The following FGD5 variants were observed in gnomAD, a reference collection of about 807,000 sequenced individuals.
FGD5 encodes the protein FYVE, RhoGEF and PH domain-containing protein 5.
In FGD5, 28 loss-of-function variants were observed where a neutral mutation model predicts 133.4. The observed-to-expected ratio is 0.21, with a 90% CI of 0.16 to 0.29. The LOEUF (loss-of-function observed/expected upper bound fraction) is 0.29, where lower values mean the gene tolerates loss of function less well. Among genes scored for constraint, FGD5 ranks in the 10% least tolerant of loss-of-function variants. The probability of loss-of-function intolerance (pLI) is 1.00; values close to 1 mark genes in which losing one functional copy is unlikely to be tolerated. For synonymous variants in FGD5, 810 were observed against 776.5 expected, an observed-to-expected ratio of 1.04 and a Z score of -0.72; for missense variants, 1,858 against 1,895.2, an observed-to-expected ratio of 0.98 and a Z score of 0.36.
At chr3:14,864,363 A>C in intron 2 of FGD5, 103 bp downstream of exon 2, 1 of 1,563,644 alleles carries the variant, frequency 6.4e-7, no homozygotes. Context: ...AGCTGTTTGC[A>C]GATAGCTGGC....
intron 1 of FGD5, among the ~76,000 whole-genome samples, chr3:14,839,169 G>C (rs2036869864): frequency 6.6e-6 from 1 of 152,246 alleles, no homozygotes. Flanking sequence ...AAATGCACAG[G>C]CTTCTGGGGA....
intron 1 of FGD5, among the ~76,000 whole-genome samples, chr3:14,844,214 AAAAATAT>A (rs1263762658): frequency 2.8e-5 from 1 of 35,550 alleles, no homozygotes. Context: ...TAAAAAAAAA[AAAAATAT>A]ATATATATAT....
At chr3:14,852,663 G>A (rs1409674058) in intron 1 of FGD5, among the ~76,000 whole-genome samples, 3 of 152,184 alleles carry the variant, frequency 2.0e-5, no homozygotes, top group African/African-American at 7.2e-5. Flanking sequence ...GAGGAGGGGT[G>A]GGGATGTCTC....
intron 2 of FGD5, among the ~76,000 whole-genome samples, chr3:14,864,841 A>G (rs576998049): frequency 1.3e-5 from 2 of 152,214 alleles, no homozygotes; most frequent in East Asian, 3.9e-4. Context: ...TGATGGGGAT[A>G]ATATACACTC....
At chr3:14,914,898 C>G (rs111795801) in intron 11 of FGD5, among the ~76,000 whole-genome samples, 5 of 152,226 alleles carry the variant, frequency 3.3e-5, no homozygotes, top group African/African-American at 1.2e-4. Flanking sequence ...GGTGCAGAAT[C>G]GGTGTCAATG....
At chr3:14,877,116 T>C (rs897867695) in intron 2 of FGD5, among the ~76,000 whole-genome samples, 26 of 152,248 alleles carry the variant, frequency 1.7e-4, no homozygotes, top group African/African-American at 6.0e-4. Context: ...GGAGGAGCCC[T>C]GTTCCCAGAA....
intron 4 of FGD5, among the ~76,000 whole-genome samples, chr3:14,881,557 G>A (rs1420804250): frequency 6.6e-6 from 1 of 152,168 alleles, no homozygotes; most frequent in African/African-American, 2.4e-5. Flanking sequence ...CGTGAGAAGA[G>A]GGCACAGCAA....
At chr3:14,911,825 G>T (rs1393857575) in intron 11 of FGD5, among the ~76,000 whole-genome samples, 2 of 149,944 alleles carry the variant, frequency 1.3e-5, no homozygotes, top group African/African-American at 2.5e-5. Flanking sequence ...AGGGCCAGGG[G>T]TGAAGAGAAG....
intron 4 of FGD5, among the ~76,000 whole-genome samples, chr3:14,890,355 C>G (rs1433921582): frequency 1.3e-5 from 2 of 152,184 alleles, no homozygotes; most frequent in Non-Finnish European, 2.9e-5. Context: ...GAAGAATTAC[C>G]CAGGTTGCAA....
chr3:14,922,582 G>C lies in FGD5; in HGVS notation c.3807+34G>C, dbSNP rs768731335. On this transcript the variant is annotated intron_variant, in intron 15 of 19. Coordinates refer to ENST00000285046, the MANE Select transcript of FGD5 (RefSeq NM_152536.4). The surrounding 1 kb of genome is among the most constrained non-coding windows in gnomAD (Gnocchi z 4.1). ...CTGCATCTGGGGTGAGTGTGTGCAT[G>C]GGGGTGGGGTGGGGGAAGGGCATGT... 4 of 1,555,816 alleles carry C rather than the reference G, an allele frequency of 2.6e-6. No homozygotes were observed. The highest frequency in any genetic ancestry group is 2.6e-6 in the Non-Finnish European group (3 of 1,152,974).
chr3:14,880,492 A>G, intron 2 of FGD5, 80 bp from the exon 3 acceptor site: 1 of 1,397,268 alleles, frequency 7.2e-7, no homozygotes. Context: ...AATGCTTGGA[A>G]CTTGCCTCCA....
chr3:14,857,070 A>C (rs574678889), intron 1 of FGD5, among the ~76,000 whole-genome samples: 1 of 152,086 alleles, frequency 6.6e-6, no homozygotes, highest in Admixed American at 6.5e-5. Context: ...ATTTATTGAG[A>C]GTTTTTATCA....
chr3:14,902,050 GGC>G lies in FGD5; in HGVS notation c.3264+990_3264+991del, dbSNP rs1481368195. On this transcript the variant is annotated intron_variant, in intron 9 of 19. Coordinates refer to ENST00000285046, the MANE Select transcript of FGD5 (RefSeq NM_152536.4). Reference sequence around the variant, plus strand: ...TAATCCCAGCACTTTGGGAGGCCGAGGCAGGTGGATCACTTGAGGTCAGGAGT... The same window carrying G: ...TAATCCCAGCACTTTGGGAGGCCGAGAGGTGGATCACTTGAGGTCAGGAGT... Among the ~76,000 whole-genome samples the G allele has an allele frequency of 1.6e-4, 25 of 152,244 alleles. No individual in the cohort carries two copies. In the East Asian group the frequency reaches 4.6e-3, roughly 28 times the overall value.
chr3:14,838,391 C>T (rs994119840), intron 1 of FGD5, among the ~76,000 whole-genome samples: 3 of 152,138 alleles, frequency 2.0e-5, no homozygotes, highest in African/African-American at 7.2e-5. Context: ...CTGCAAAGCC[C>T]CTTTTGCTAA....
At chr3:14,845,134 C>T (rs938860067) in intron 1 of FGD5, among the ~76,000 whole-genome samples, 1 of 152,118 alleles carries the variant, frequency 6.6e-6, no homozygotes, top group Non-Finnish European at 1.5e-5. Flanking sequence ...CTTCTGTCAC[C>T]TGTACATGCT....
intron 2 of FGD5, among the ~76,000 whole-genome samples, chr3:14,869,284 ACT>A (rs1411959944): frequency 6.6e-6 from 1 of 151,906 alleles, no homozygotes; most frequent in Non-Finnish European, 1.5e-5. Context: ...ACAGAGCAAG[ACT>A]CTGTCTTAAG....
At chr3:14,833,529 A>G (rs1012245463) in intron 1 of FGD5, among the ~76,000 whole-genome samples, 2 of 152,150 alleles carry the variant, frequency 1.3e-5, no homozygotes, top group African/African-American at 2.4e-5. Flanking sequence ...TGAGCTCCCC[A>G]TCATGATCAG....
intron 10 of FGD5, among the ~76,000 whole-genome samples, chr3:14,908,476 C>T (rs539474970): frequency 2.0e-5 from 3 of 152,064 alleles, no homozygotes; most frequent in Non-Finnish European, 4.4e-5. Flanking sequence ...CTGAAAGACA[C>T]AGTCTTGAGC....
At chr3:14,929,491 C>G (rs293904) in intron 18 of FGD5, among the ~76,000 whole-genome samples, 79,483 of 152,078 alleles carry the variant, frequency 0.52, 21,750 homozygotes, top group South Asian at 0.7. Flanking sequence ...TCTGGTTGCT[C>G]CACATCATTG....
Sources: gnomAD v4.1 joint callset for allele counts (sites outside exome capture counted in the v4.1 genomes callset) on GRCh38, gnomAD v4.1.1 for gene constraint, Gnocchi (gnomAD v3.1) non-coding constraint, MANE v1.5 for transcripts, NCBI Gene and HGNC (gene_info 2026-07-23, HGNC 2026-07-21) for gene names.